Variants in SMYD3 observed in about 807,000 individuals in gnomAD.
SMYD3 encodes the protein SET and MYND domain containing 3.
A neutral mutation model predicts 57.7 loss-of-function variants in SMYD3; 36 were observed. The ratio of observed to expected loss-of-function variants is 0.62; its 90% CI spans 0.48 to 0.82. The LOEUF (loss-of-function observed/expected upper bound fraction) is 0.82. Ranked by LOEUF, SMYD3 falls within the 40% of genes least tolerant of loss-of-function variation. The pLI, the probability that SMYD3 is intolerant of heterozygous loss-of-function variation, is 0.00. For synonymous variants in SMYD3, 211 were observed against 195.0 expected (o/e 1.08, Z -0.68); for missense variants, 515 against 538.8 (o/e 0.96, Z 0.44).
At chr1:246,444,887 C>T (rs976569308) in intron 1 of SMYD3, among the ~76,000 whole-genome samples, 14 of 152,270 alleles carry the variant, frequency 9.2e-5, no homozygotes, top group Non-Finnish European at 1.6e-4. Flanking sequence ...CTTTAGGATA[C>T]GCAAATTTGA....
chr1:246,259,321 A>C (rs2063956923), intron 5 of SMYD3, among the ~76,000 whole-genome samples: 1 of 152,176 alleles, frequency 6.6e-6, no homozygotes, highest in Non-Finnish European at 1.5e-5. Flanking sequence ...ATTCTTTCTC[A>C]GCTGAAGATG....
At chr1:245,825,374 A>C (rs988251577) in intron 10 of SMYD3, among the ~76,000 whole-genome samples, 1 of 152,184 alleles carries the variant, frequency 6.6e-6, no homozygotes, top group Non-Finnish European at 1.5e-5. Context: ...TATCTAGAGG[A>C]AACTACTACG....
At chr1:246,088,228 A>T (rs73139824) in intron 5 of SMYD3, among the ~76,000 whole-genome samples, 12,442 of 150,248 alleles carry the variant, frequency 0.083, 575 homozygotes, top group African/African-American at 0.13. Flanking sequence ...ACACACACAC[A>T]CTCTCTCTCT....
At chr1:246,085,130 C>G (rs768129072) in intron 5 of SMYD3, among the ~76,000 whole-genome samples, 1 of 152,154 alleles carries the variant, frequency 6.6e-6, no homozygotes, top group Non-Finnish European at 1.5e-5. Context: ...AAGTGTTACA[C>G]TATCTATAGT....
chr1:245,962,249 T>C (rs1414977811), intron 5 of SMYD3, among the ~76,000 whole-genome samples: 1 of 152,248 alleles, frequency 6.6e-6, no homozygotes, highest in Non-Finnish European at 1.5e-5. Context: ...GCTCTGTTTT[T>C]CCTGCCACCC....
chr1:246,161,816 T>C (rs376567935), intron 5 of SMYD3, among the ~76,000 whole-genome samples: 2 of 152,220 alleles, frequency 1.3e-5, no homozygotes, highest in Non-Finnish European at 2.9e-5. Context: ...CTCTGACTTA[T>C]CTGGCCTCTC....
At chr1:245,946,612 C>T (rs2057436360) in intron 5 of SMYD3, among the ~76,000 whole-genome samples, 1 of 152,098 alleles carries the variant, frequency 6.6e-6, no homozygotes, top group African/African-American at 2.4e-5. Flanking sequence ...GTCAAAATAA[C>T]CTTTGCAGAA....
chr1:245,750,144 A>T (rs1463030358), intron 11 of SMYD3, among the ~76,000 whole-genome samples: 1 of 152,058 alleles, frequency 6.6e-6, no homozygotes, highest in Non-Finnish European at 1.5e-5. Context: ...CCTCTCCTTC[A>T]CTGCTCATAT....
intron 1 of SMYD3, among the ~76,000 whole-genome samples, chr1:246,357,700 T>C (rs1049587052): frequency 1.3e-5 from 2 of 152,150 alleles, no homozygotes; most frequent in Non-Finnish European, 2.9e-5. Context: ...GCCAAGAATT[T>C]TGTATGCAGC....
At chr1:246,006,943 T>A (rs1558145872) in intron 5 of SMYD3, among the ~76,000 whole-genome samples, 1 of 152,206 alleles carries the variant, frequency 6.6e-6, no homozygotes, top group Non-Finnish European at 1.5e-5. Context: ...AGAAAAGGCA[T>A]GGGCAGGAGC....
chr1:246,294,605 C>T (rs942401365), intron 5 of SMYD3, among the ~76,000 whole-genome samples: 1 of 148,236 alleles, frequency 6.7e-6, no homozygotes, highest in South Asian at 2.1e-4. Flanking sequence ...ATTAAGCTTC[C>T]TTTTTTTTTT....
chr1:245,789,282 C>G (rs894371571), intron 10 of SMYD3, among the ~76,000 whole-genome samples: 2 of 152,154 alleles, frequency 1.3e-5, no homozygotes, highest in African/African-American at 4.8e-5. Context: ...TAGCTCCTCA[C>G]GTATAAATGG....
At chr1:246,036,539 C>CTTTTTTTTTTTTTTTTTTTTT (rs59062672) in intron 5 of SMYD3, among the ~76,000 whole-genome samples, 2 of 144,960 alleles carry the variant, frequency 1.4e-5, no homozygotes, top group African/African-American at 5.1e-5. Flanking sequence ...TTCTTTCTCT[C>CTTTTTTTTTTTTTTTTTTTTT]TTTTTTTTTT....
At chr1:246,412,866 A>G (rs2102987978) in intron 1 of SMYD3, among the ~76,000 whole-genome samples, 1 of 152,098 alleles carries the variant, frequency 6.6e-6, no homozygotes, top group African/African-American at 2.4e-5. Context: ...CTCAAAAAAA[A>G]AAAAAAAAAG....
intron 10 of SMYD3, among the ~76,000 whole-genome samples, chr1:245,843,068 AGT>A (rs760075295): frequency 4.6e-5 from 7 of 152,138 alleles, no homozygotes; most frequent in Non-Finnish European, 8.8e-5. Flanking sequence ...GTGGGAATGA[AGT>A]GTTTGTGTTT....
chr1:246,226,540 A>G (rs1347537453), intron 5 of SMYD3, among the ~76,000 whole-genome samples: 2 of 152,190 alleles, frequency 1.3e-5, no homozygotes, highest in African/African-American at 4.8e-5. Flanking sequence ...ATAACCCATT[A>G]ACTGACTAAA....
chr1:246,149,434 A>G (rs968759616), intron 5 of SMYD3, among the ~76,000 whole-genome samples: 2 of 152,146 alleles, frequency 1.3e-5, no homozygotes, highest in African/African-American at 4.8e-5. Context: ...CTTTATTAAT[A>G]TGTTTCAAAA....
intron 5 of SMYD3, among the ~76,000 whole-genome samples, chr1:246,277,458 ACACCACCACCAC>A (rs200139272): frequency 6.6e-6 from 1 of 152,158 alleles, no homozygotes; most frequent in African/African-American, 2.4e-5. Flanking sequence ...AAACAAGCAA[ACACCACCACCAC>A]CACCACCAAC....
At position 245,826,505 on chromosome 1, in the gene SMYD3, G is replaced by A. The variant is rs114253722; in HGVS notation, c.1076+31991C>T. Among the ~76,000 whole-genome samples the A allele has an allele frequency of 8.9e-3, 1,357 of 152,248 alleles. 21 individuals are homozygous for A. The highest frequency in any genetic ancestry group is 0.032 in the African/African-American group (1,313 of 41,540). The stretch of plus-strand genomic sequence containing the variant: ...GCTAGGATTACAGCCATGAGCCGCT[G>A]CATCCAGCCAAAATTTCCTTGTTTA... On this transcript the variant is annotated intron_variant, in intron 10 of 11. Coordinates refer to ENST00000490107, the MANE Select transcript of SMYD3 (RefSeq NM_001167740.2).
Sources: allele counts gnomAD v4.1 joint callset (sites outside exome capture counted in the v4.1 genomes callset), GRCh38; gene constraint gnomAD v4.1.1; transcripts MANE v1.5; gene names NCBI Gene and HGNC (gene_info 2026-07-23, HGNC 2026-07-21).